Variants in ZNF532 observed in about 807,000 individuals in gnomAD.
The protein encoded by ZNF532 is zinc finger protein 532.
Under a neutral mutation model 89.3 loss-of-function variants are expected in ZNF532, and 22 were observed. That is an observed-to-expected ratio of 0.25 (90% CI 0.18 to 0.35). The LOEUF is 0.35. Among genes scored for constraint, ZNF532 ranks in the 10% least tolerant of loss-of-function variants. The pLI, the probability that ZNF532 is intolerant of heterozygous loss-of-function variation, is 1.00. For synonymous variants in ZNF532, 606 were observed against 649.6 expected, an observed-to-expected ratio of 0.93 and a Z score of 1.02; for missense variants, 1,132 against 1,643.4, an observed-to-expected ratio of 0.69 and a Z score of 5.38.
upstream of ZNF532, chr18:58,864,781 G>A (rs1163142523): frequency 6.6e-6 from 1 of 152,324 alleles, no homozygotes; most frequent in African/African-American, 2.4e-5. Flanking sequence ...CTCAGCGAGG[G>A]TTGCCATAGC....
chr18:58,882,735 CAT>C (rs1475256720), intron 2 of ZNF532, among the ~76,000 whole-genome samples: 1 of 152,190 alleles, frequency 6.6e-6, no homozygotes. Context: ...TGTGAGACAC[CAT>C]CCCCAGTCTC....
In ZNF532 at chr18:58,985,498, G is replaced by A. The variant is rs1199072189; in HGVS notation, c.*1032G>A. On this transcript the variant is annotated 3_prime_UTR_variant, in exon 10 of 10. Coordinates refer to ENST00000591808, the MANE Select transcript of ZNF532 (RefSeq NM_001375912.1). ...GCCAAACGTTATGGTACTTAGAGTC[G>A]GGATGCACAACTTCAACCACCGACT... The A allele has an allele frequency of 6.6e-6, 1 of 152,500 alleles. No homozygotes were observed. Among genetic ancestry groups the A allele is most frequent in the Non-Finnish European group, 1.5e-5 (1 of 68,030 alleles). 9.4% of individuals were successfully genotyped at this position (152,500 alleles called of 1,614,324 possible).
rs756259630 is a variant in ZNF532, at chr18:58,919,990, C to G, written c.1703C>G (p.Ser568Cys). Residue 568 changes from serine to cysteine, a missense_variant, in exon 3 of 10, where the codon TCT (serine) becomes TGT (cysteine). This residue lies in a region of ZNF532 where 97 missense variants were observed against 143.7 expected (regional missense o/e 0.68). Transcript: ENST00000591808. The surrounding 1 kb of genome is among the most constrained non-coding windows in gnomAD (Gnocchi z 6.1). ...AAASQPPKKV[S>C]RVQVVSSLQS... ...GCCTCGCAACCCCCCAAAAAGGTGTCTCGAGTCCAGGTGGTGTCGTCCTTG... is the reference window on the plus strand; with the variant it reads ...GCCTCGCAACCCCCCAAAAAGGTGTGTCGAGTCCAGGTGGTGTCGTCCTTG... 27 of 1,613,590 alleles carry G rather than the reference C, an allele frequency of 1.7e-5. No individual in the cohort carries two copies. Among genetic ancestry groups the G allele is most frequent in the East Asian group, 2.2e-5 (1 of 44,878 alleles).
intron 6 of ZNF532, among the ~76,000 whole-genome samples, chr18:58,950,924 C>T (rs1300579460): frequency 6.6e-6 from 1 of 152,000 alleles, no homozygotes; most frequent in Non-Finnish European, 1.5e-5. Context: ...AGGTGTGAGC[C>T]ACCATTCCCA....
At chr18:58,960,024 C>T (rs1310458034) in intron 7 of ZNF532, among the ~76,000 whole-genome samples, 1 of 152,136 alleles carries the variant, frequency 6.6e-6, no homozygotes, top group African/African-American at 2.4e-5. Flanking sequence ...CTGCAACCTC[C>T]ACCTCCCAGG....
chr18:58,923,469 C>G (rs1036485210), intron 3 of ZNF532, among the ~76,000 whole-genome samples: 1 of 151,978 alleles, frequency 6.6e-6, no homozygotes, highest in Non-Finnish European at 1.5e-5. Flanking sequence ...AACCTGGAGT[C>G]TCTTCCTTGG....
chr18:58,895,034 C>T (rs1286707175), intron 2 of ZNF532, among the ~76,000 whole-genome samples: 1 of 152,224 alleles, frequency 6.6e-6, no homozygotes, highest in African/African-American at 2.4e-5. Flanking sequence ...GAAATTGTGC[C>T]TGAGCCATTC....
intron 2 of ZNF532, among the ~76,000 whole-genome samples, chr18:58,893,532 T>A (rs1190990862): frequency 1.3e-5 from 2 of 151,798 alleles, no homozygotes; most frequent in Non-Finnish European, 2.9e-5. Flanking sequence ...GGCTCGTGCC[T>A]GTAATCCCAG....
intron 2 of ZNF532, among the ~76,000 whole-genome samples, chr18:58,867,792 A>C (rs1568198150): frequency 6.6e-6 from 1 of 152,006 alleles, no homozygotes; most frequent in Non-Finnish European, 1.5e-5. Flanking sequence ...CTATTCAATC[A>C]TTTTTTCCAT....
chr18:58,916,310 C>T lies in ZNF532; in HGVS notation c.-17-1961C>T, dbSNP rs184731371. The stretch of plus-strand genomic sequence containing the variant: ...TGACAGATGGCTTTTTCATTCCCCA[C>T]GTTTTGCAGTTTAAATGTTCAATTT... On this transcript the variant is annotated intron_variant, in intron 2 of 9. Coordinates refer to ENST00000591808, the MANE Select transcript of ZNF532 (RefSeq NM_001375912.1). 1.8e-3 allele frequency among the ~76,000 whole-genome samples: 276 copies of T among 152,312 alleles called. 2 individuals carry two copies. Among genetic ancestry groups the T allele is most frequent in the Non-Finnish European group, 3.2e-3 (215 of 68,018 alleles).
chr18:58,879,684 C>T (rs529989237), intron 2 of ZNF532, among the ~76,000 whole-genome samples: 5 of 152,308 alleles, frequency 3.3e-5, no homozygotes, highest in African/African-American at 9.6e-5. Flanking sequence ...CCACCATGCC[C>T]GGCTGTTGGC....
At chr18:58,863,416 C>T (rs1248704621), upstream of ZNF532, 2 of 1,048 alleles carry the variant, frequency 1.9e-3, no homozygotes, top group African/African-American at 0.013. Flanking sequence ...TTCGCGCTGC[C>T]GCCGCCCGGT....
intron 2 of ZNF532, among the ~76,000 whole-genome samples, chr18:58,869,739 G>C (rs1381305079): frequency 7.0e-6 from 1 of 142,124 alleles, no homozygotes; most frequent in African/African-American, 2.6e-5. Context: ...TGGAAGATTT[G>C]TTTGGAAGAT....
rs562935594 is a variant in ZNF532 at position 58,972,640 on chromosome 18, A to G, written c.3151-6415A>G. Among the ~76,000 whole-genome samples, 23 of 152,070 alleles carry G rather than the reference A, an allele frequency of 1.5e-4. 1 individual carries two copies. In the South Asian group the frequency reaches 4.8e-3, roughly 32 times the overall value. ...GATGACGCCTTGGCTCTGGCCACAC[A>G]GGAAGAGCTGTTCTTCCTGTGTCTG... On this transcript the variant is annotated intron_variant, in intron 7 of 9. Coordinates refer to ENST00000591808, the MANE Select transcript of ZNF532 (RefSeq NM_001375912.1).
At chr18:58,915,731 AG>A (rs1401998490) in intron 2 of ZNF532, among the ~76,000 whole-genome samples, 1 of 152,244 alleles carries the variant, frequency 6.6e-6, no homozygotes, top group African/African-American at 2.4e-5. Flanking sequence ...AATGTCAGAC[AG>A]TCGCACTGCC....
chr18:58,863,500 GCC>G, upstream of ZNF532: 2 of 148,036 alleles, frequency 1.4e-5, no homozygotes, highest in African/African-American at 2.4e-5. Flanking sequence ...CGCCGCCCGG[GCC>G]GAGCCGCCGC....
chr18:58,976,980 G>A (rs2067131542), intron 7 of ZNF532, among the ~76,000 whole-genome samples: 1 of 152,194 alleles, frequency 6.6e-6, no homozygotes, highest in Non-Finnish European at 1.5e-5. Flanking sequence ...TAATCCAAGA[G>A]GTTAGGGATT....
At chr18:58,898,488 C>T (rs2059388331) in intron 2 of ZNF532, among the ~76,000 whole-genome samples, 1 of 152,156 alleles carries the variant, frequency 6.6e-6, no homozygotes, top group Non-Finnish European at 1.5e-5. Context: ...ATGGCCTGGC[C>T]CCTGTGTTCA....
At chr18:58,900,471 G>A (rs1006286345) in intron 2 of ZNF532, among the ~76,000 whole-genome samples, 4 of 152,116 alleles carry the variant, frequency 2.6e-5, no homozygotes, top group African/African-American at 9.7e-5. Context: ...AAGGGTCGGG[G>A]GCTCCCTGTT....
Sources: allele counts gnomAD v4.1 joint callset (sites outside exome capture counted in the v4.1 genomes callset), GRCh38; gene constraint gnomAD v4.1.1; regional missense constraint gnomAD v4.1.1; non-coding constraint Gnocchi (gnomAD v3.1); transcripts MANE v1.5; gene names NCBI Gene and HGNC (gene_info 2026-07-23, HGNC 2026-07-21).